C19orf12: variants seen among roughly 807,000 people sequenced by gnomAD.
C19orf12 encodes the protein protein C19orf12.
Under a neutral mutation model 3.8 loss-of-function variants are expected in C19orf12, and 2 were observed. That is an observed-to-expected ratio of 0.53 (90% CI 0.22 to 1.66). The LOEUF is 1.66. Ranked by LOEUF, C19orf12 falls within the 40% of genes most tolerant of loss-of-function variation. C19orf12 has a pLI of 0.20. For missense variants in C19orf12, 156 were observed against 188.8 expected, an observed-to-expected ratio of 0.83 and a Z score of 1.02; for synonymous variants, 89 against 84.6, an observed-to-expected ratio of 1.05 and a Z score of -0.28.
chr19:29,711,558 C>G (rs1972677054), intron 1 of C19orf12, among the ~76,000 whole-genome samples: 1 of 152,192 alleles, frequency 6.6e-6, no homozygotes, highest in Non-Finnish European at 1.5e-5. Flanking sequence ...AGGAACCTCC[C>G]TTTCCCCGGG....
In C19orf12 at chr19:29,702,394, A is replaced by G. The variant is rs1972137640; in HGVS notation, c.*318T>C. 1.8e-6 allele frequency: 1 copy of G among 560,834 alleles called. No homozygotes were observed. Among genetic ancestry groups the G allele is most frequent in the Non-Finnish European group, 3.4e-6 (1 of 296,324 alleles). 34.7% of individuals were successfully genotyped at this position (560,834 alleles called of 1,614,324 possible). A position where few individuals can be genotyped will look rare whatever the true frequency, so the allele number is the denominator to read the frequency against. ...GTCGGCTGAGCGTGATCACTTCCCC[A>G]GACCCATGCGGGTGAGAGGACTCAG... On this transcript the variant is annotated 3_prime_UTR_variant, in exon 3 of 3. Coordinates refer to ENST00000323670, the MANE Select transcript of C19orf12 (RefSeq NM_031448.6).
rs1971939027 is a variant in C19orf12, at chr19:29,699,191, G to C, written c.*3521C>G. 2.2e-6 allele frequency: 1 copy of C among 453,878 alleles called. No homozygotes were observed. Among genetic ancestry groups the C allele is most frequent in the Non-Finnish European group, 4.4e-6 (1 of 226,772 alleles). The allele number at this position is 453,878 out of a possible 1,614,324, so 28.1% of individuals were successfully genotyped here. A position where few individuals can be genotyped will look rare whatever the true frequency, so the allele number is the denominator to read the frequency against. On this transcript the variant is annotated 3_prime_UTR_variant, in exon 3 of 3. Transcript: ENST00000323670. ...GTTAGAAATATACATACATAGGCCG[G>C]GCGCAGTGGCTCACGCCTGTAATCC...
intron 1 of C19orf12, among the ~76,000 whole-genome samples, chr19:29,711,505 G>A (rs1369395090): frequency 6.6e-6 from 1 of 152,180 alleles, no homozygotes; most frequent in Non-Finnish European, 1.5e-5. Context: ...TGGAAAAAGA[G>A]AGGCACTGCC....
chr19:29,702,896 G>A lies in C19orf12; in HGVS notation c.242C>T (p.Pro81Leu), dbSNP rs751031553. 1.2e-6 allele frequency: 2 copies of A among 1,614,190 alleles called. No individual in the cohort carries two copies. Among genetic ancestry groups the A allele is most frequent in the East Asian group, 2.2e-5 (1 of 44,876 alleles). The part of the protein sequence containing the change: ...KPVPQILMEL[P>L]PAEQQRLFNE... ...AAAGAGCCTCTGTTGCTCGGCAGGG[G>A]GCAGCTCCATTAGGATCTGAGGAAC... Residue 81 changes from proline (P) to leucine (L), a missense_variant, in exon 3 of 3, where the codon CCC (proline) becomes CTC (leucine). By Grantham distance (98) the Pro-to-Leu change is moderately conservative. Transcript: ENST00000323670.
intron 2 of C19orf12, among the ~76,000 whole-genome samples, chr19:29,706,316 T>C (rs928720632): frequency 6.6e-6 from 1 of 152,186 alleles, no homozygotes; most frequent in African/African-American, 2.4e-5. Context: ...GAGCAGCACT[T>C]AATGCAAAAA....
In C19orf12 at chr19:29,715,155, C is replaced by A; in HGVS notation, c.-41G>T. 2 of 568,322 alleles carry A rather than the reference C, an allele frequency of 3.5e-6. No individual in the cohort carries two copies. Among genetic ancestry groups the A allele is most frequent in the Non-Finnish European group, 3.1e-6 (1 of 320,100 alleles). 35.2% of individuals were successfully genotyped at this position (568,322 alleles called of 1,614,324 possible). Reference sequence around the variant, plus strand: ...GGAGCGGAGGTCTACGCGGCGCGCTCGGCGATCAGACGCGGCTGCAGCCCG... The same window carrying A: ...GGAGCGGAGGTCTACGCGGCGCGCTAGGCGATCAGACGCGGCTGCAGCCCG... On this transcript the variant is annotated 5_prime_UTR_variant, in exon 1 of 3. Coordinates refer to ENST00000323670, the MANE Select transcript of C19orf12 (RefSeq NM_031448.6).
At position 29,702,609 on chromosome 19, in the gene C19orf12, G is replaced by A. The variant is rs775395511; in HGVS notation, c.*103C>T. 17 of 1,473,592 alleles carry A rather than the reference G, an allele frequency of 1.2e-5. No individual in the cohort carries two copies. The African/African-American group carries it at 1.9e-4, about 17-fold the overall frequency. The allele number at this position is 1,473,592 out of a possible 1,614,324, so 91.3% of individuals were successfully genotyped here. A position where few individuals can be genotyped will look rare whatever the true frequency, so the allele number is the denominator to read the frequency against. On this transcript the variant is annotated 3_prime_UTR_variant, in exon 3 of 3. Coordinates refer to ENST00000323670, the MANE Select transcript of C19orf12 (RefSeq NM_031448.6). ...ACTAGTAATACACTGATGATGTGGA[G>A]ATTCCCCAGGGGGCATCCGCTGGGC... is the stretch of plus-strand genomic sequence containing the variant.
chr19:29,708,683 C>T (rs1173074114), intron 1 of C19orf12: 6 of 526,586 alleles, frequency 1.1e-5, no homozygotes, highest in East Asian at 3.6e-5. Flanking sequence ...TTCTGACTTA[C>T]GACAGATTAA....
intron 1 of C19orf12, among the ~76,000 whole-genome samples, chr19:29,710,339 T>C (rs1427597574): frequency 6.6e-6 from 1 of 152,186 alleles, no homozygotes; most frequent in African/African-American, 2.4e-5. Context: ...GAGAGCATCC[T>C]GCGCTCCTGC....
intron 2 of C19orf12, among the ~76,000 whole-genome samples, 164 bp from the exon 3 acceptor site, chr19:29,703,141 G>A (rs1031953047): frequency 1.3e-5 from 2 of 152,136 alleles, no homozygotes; most frequent in African/African-American, 4.8e-5. Flanking sequence ...CCAGTGTGGA[G>A]GGCAAAGGTT....
chr19:29,715,186 G>A lies in C19orf12; in HGVS notation c.-72C>T. On this transcript the variant is annotated 5_prime_UTR_variant, in exon 1 of 3. Transcript: ENST00000323670. Reference sequence around the variant, plus strand: ...TCAGACGCGGCTGCAGCCCGGGCCTGGCAGGCCCCGGGCTCCCCGCCCAGC... The same window carrying A: ...TCAGACGCGGCTGCAGCCCGGGCCTAGCAGGCCCCGGGCTCCCCGCCCAGC... 2.0e-6 allele frequency: 1 copy of A among 503,448 alleles called. No homozygotes were observed. The highest frequency in any genetic ancestry group is 3.6e-6 in the Non-Finnish European group (1 of 278,434). 31.2% of individuals were successfully genotyped at this position (503,448 alleles called of 1,614,324 possible). A position where few individuals can be genotyped will look rare whatever the true frequency, so the allele number is the denominator to read the frequency against.
intron 1 of C19orf12, among the ~76,000 whole-genome samples, chr19:29,710,763 C>T (rs1313468344): frequency 1.3e-5 from 2 of 152,160 alleles, no homozygotes; most frequent in African/African-American, 4.8e-5. Flanking sequence ...CTTTCCAGGC[C>T]CTGCCCAGCT....
At chr19:29,714,997 C>A (rs1315614397) in intron 1 of C19orf12, 128 bp downstream of exon 1, 3 of 713,088 alleles carry the variant, frequency 4.2e-6, no homozygotes, top group African/African-American at 1.8e-5. Flanking sequence ...GAGGGCCGGG[C>A]TCCCGGCAGG....
chr19:29,706,510 C>T (rs1054585744), intron 2 of C19orf12, among the ~76,000 whole-genome samples: 1 of 152,112 alleles, frequency 6.6e-6, no homozygotes, highest in Non-Finnish European at 1.5e-5. Context: ...ATATGTGCTC[C>T]CAAAATAGCA....
chr19:29,714,451 G>A (rs1972850829), intron 1 of C19orf12, among the ~76,000 whole-genome samples: 1 of 152,052 alleles, frequency 6.6e-6, no homozygotes, highest in African/African-American at 2.4e-5. Flanking sequence ...CCGAGATCGC[G>A]CCATTGCACT....
At position 29,702,244 on chromosome 19, in the gene C19orf12, C is replaced by T. The variant is rs1243779177; in HGVS notation, c.*468G>A. 2.2e-6 allele frequency: 1 copy of T among 455,396 alleles called. No homozygotes were observed. Among genetic ancestry groups the T allele is most frequent in the South Asian group, 1.6e-5 (1 of 64,490 alleles). The allele number at this position is 455,396 out of a possible 1,614,324, so 28.2% of individuals were successfully genotyped here. A position where few individuals can be genotyped will look rare whatever the true frequency, so the allele number is the denominator to read the frequency against. On this transcript the variant is annotated 3_prime_UTR_variant, in exon 3 of 3. Transcript: ENST00000323670. ...GTAAACATGATTCCAGCATGGGCTG[C>T]TCCAAGGCCCTGAGACCCCAGGACC...
intron 2 of C19orf12, 57 bp from the exon 3 acceptor site, chr19:29,703,034 T>C (rs1972196648): frequency 2.5e-6 from 4 of 1,610,192 alleles, no homozygotes; most frequent in East Asian, 2.2e-5. Context: ...ATGGCCTTAC[T>C]TAAGTTCCCA....
chr19:29,703,099 G>C, intron 2 of C19orf12, 122 bp from the exon 3 acceptor site: 2 of 1,324,824 alleles, frequency 1.5e-6, no homozygotes, highest in Non-Finnish European at 2.1e-6. Context: ...GGGCTGCAGC[G>C]GGCTCAGCCG....
Position 29,701,601 on chromosome 19 carries a change from T to C in C19orf12, c.*1111A>G, listed in dbSNP as rs767110273. On this transcript the variant is annotated 3_prime_UTR_variant, in exon 3 of 3. Coordinates refer to ENST00000323670, the MANE Select transcript of C19orf12 (RefSeq NM_031448.6). ...GACTGTACTGGGGAAATCTTTAGGG[T>C]AGAAACATTTCTTAGAGATGGTTTA... is the stretch of plus-strand genomic sequence containing the variant. 96 of 453,882 alleles carry C rather than the reference T, an allele frequency of 2.1e-4. No individual in the cohort carries two copies. The highest frequency in any genetic ancestry group is 6.2e-5 in the Non-Finnish European group (14 of 226,784). 28.1% of individuals were successfully genotyped at this position (453,882 alleles called of 1,614,324 possible).
Sources: allele counts gnomAD v4.1 joint callset (sites outside exome capture counted in the v4.1 genomes callset), GRCh38; gene constraint gnomAD v4.1.1; transcripts MANE v1.5; gene names NCBI Gene and HGNC (gene_info 2026-07-23, HGNC 2026-07-21).